Variants in STN1 observed in about 807,000 individuals in gnomAD.
STN1 encodes the protein CST complex subunit STN1.
Under a neutral mutation model 45.5 loss-of-function variants are expected in STN1, and 29 were observed. The observed-to-expected ratio is 0.64, with a 90% CI of 0.47 to 0.87. The LOEUF (loss-of-function observed/expected upper bound fraction) is 0.87, where lower values mean the gene tolerates loss of function less well. Ranked by LOEUF, STN1 falls within the 40% of genes least tolerant of loss-of-function variation. The pLI is 0.00. For synonymous variants in STN1, 148 were observed against 159.0 expected (o/e 0.93, Z 0.52); for missense variants, 376 against 441.4 (o/e 0.85, Z 1.33).
chr10:103,909,864 T>C (rs12765878), intron 3 of STN1, among the ~76,000 whole-genome samples: 67,643 of 151,986 alleles, frequency 0.45, 15,752 homozygotes, highest in Non-Finnish European at 0.5. Flanking sequence ...GGGCTCTTGA[T>C]TATAGAGAAG....
chr10:103,914,374 A>ATTTT (rs1264013304), intron 2 of STN1, among the ~76,000 whole-genome samples: 32 of 97,354 alleles, frequency 3.3e-4, no homozygotes, highest in African/African-American at 1.4e-3. Context: ...ATATATATAT[A>ATTTT]TTTTTTTTTT....
chr10:103,886,374 C>T (rs959646601), intron 9 of STN1, among the ~76,000 whole-genome samples: 9 of 150,506 alleles, frequency 6.0e-5, no homozygotes, highest in African/African-American at 1.7e-4. Context: ...AAGGGTATAT[C>T]GGTGTTTATT....
intron 2 of STN1, among the ~76,000 whole-genome samples, chr10:103,916,185 CA>C (rs1843330287): frequency 1.3e-5 from 2 of 152,192 alleles, no homozygotes; most frequent in South Asian, 4.1e-4. Context: ...AATCAAAGAT[CA>C]CTGGTCCTGT....
At chr10:103,886,194 A>G (rs1207759013) in intron 9 of STN1, among the ~76,000 whole-genome samples, 5 of 152,212 alleles carry the variant, frequency 3.3e-5, no homozygotes, top group Non-Finnish European at 7.3e-5. Context: ...AGCTAAATAC[A>G]TGGGAGATTT....
intron 7 of STN1, among the ~76,000 whole-genome samples, chr10:103,893,324 A>G (rs1358206316): frequency 2.6e-5 from 4 of 152,002 alleles, no homozygotes; most frequent in Non-Finnish European, 5.9e-5. Flanking sequence ...GCCTGCCACC[A>G]TGCCCAGCTA....
chr10:103,914,898 T>C (rs1843319204), intron 2 of STN1, among the ~76,000 whole-genome samples: 2 of 152,198 alleles, frequency 1.3e-5, no homozygotes, highest in African/African-American at 2.4e-5. Context: ...ATTTGAGTCA[T>C]GAGTCCCAAG....
At chr10:103,907,567 T>C (rs182071476) in intron 3 of STN1, among the ~76,000 whole-genome samples, 1 of 152,316 alleles carries the variant, frequency 6.6e-6, no homozygotes, top group Admixed American at 6.5e-5. Context: ...ATTTCTTTGA[T>C]ACTGGGAACA....
In STN1 at chr10:103,892,190, T is replaced by C. The variant is rs776930204; in HGVS notation, c.816A>G (p.Gln272=). 2 of 1,612,228 alleles carry C rather than the reference T, an allele frequency of 1.2e-6. No individual in the cohort carries two copies. Among genetic ancestry groups the C allele is most frequent in the South Asian group, 1.1e-5 (1 of 90,788 alleles). The change falls in exon 8 of 10, where the codon CAA becomes CAG. Residue 272 remains glutamine, a synonymous_variant. Coordinates refer to ENST00000224950, the MANE Select transcript of STN1 (RefSeq NM_024928.5). ...AAACAAGTCCTTTTTCCTGCAGCAG[T>C]TGTATAGCATTCTTAAATATACTAT... ...AIHSIFKNAI[Q]LLQEKGLVFQ...
At chr10:103,882,975 C>T (rs1843080284) in intron 9 of STN1, 134 bp from the exon 10 acceptor site, 4 of 829,490 alleles carry the variant, frequency 4.8e-6, no homozygotes, top group Middle Eastern at 7.1e-4. Context: ...GTCAGAAATG[C>T]ATGATCTACC....
chr10:103,886,084 TA>T (rs530787338), intron 9 of STN1, among the ~76,000 whole-genome samples: 15 of 150,014 alleles, frequency 1.0e-4, no homozygotes, highest in Middle Eastern at 3.4e-3. Flanking sequence ...GTCTTAAGTT[TA>T]AAAAAAAAAT....
rs142533313 is a variant in STN1, at chr10:103,881,865, T to C, written c.*819A>G. ...TGTCTGGGCACATACCGAGTCTTTG[T>C]CTGGATGGTGTCAGCACATCCTGCA... On this transcript the variant is annotated 3_prime_UTR_variant, in exon 10 of 10. Transcript: ENST00000224950. Among the ~76,000 whole-genome samples, 557 of 152,286 alleles carry C rather than the reference T, an allele frequency of 3.7e-3. 4 individuals are homozygous for C. The highest frequency in any genetic ancestry group is 0.012 in the African/African-American group (494 of 41,566).
In STN1 at chr10:103,881,238, T is replaced by C. The variant is rs1272440588; in HGVS notation, c.*1446A>G. On this transcript the variant is annotated 3_prime_UTR_variant, in exon 10 of 10. Transcript: ENST00000224950. ...TTTCACACTTGTGTAGCCATCTCCT[T>C]GAGATAAACCCCTAAGAGCAGAGTT... Among the ~76,000 whole-genome samples the C allele has an allele frequency of 6.6e-6, 1 of 152,222 alleles. No individual in the cohort carries two copies. Among genetic ancestry groups the C allele is most frequent in the Non-Finnish European group, 1.5e-5 (1 of 68,032 alleles).
chr10:103,907,689 T>A (rs1843250716), intron 3 of STN1, among the ~76,000 whole-genome samples: 1 of 152,178 alleles, frequency 6.6e-6, no homozygotes, highest in African/African-American at 2.4e-5. Flanking sequence ...GTTTGAAATT[T>A]TATTTTATAA....
chr10:103,913,805 C>T (rs1843306750), intron 2 of STN1, among the ~76,000 whole-genome samples: 1 of 152,094 alleles, frequency 6.6e-6, no homozygotes, highest in African/African-American at 2.4e-5. Flanking sequence ...GATAACAGAG[C>T]TCATGTTCCA....
chr10:103,907,135 T>A (rs1480206553), intron 3 of STN1, among the ~76,000 whole-genome samples: 1 of 152,178 alleles, frequency 6.6e-6, no homozygotes, highest in Non-Finnish European at 1.5e-5. Flanking sequence ...AAAAAAGTTG[T>A]TTTTAAATGT....
chr10:103,909,365 A>AAT (rs1554837200), intron 3 of STN1, among the ~76,000 whole-genome samples: 4 of 73,876 alleles, frequency 5.4e-5, no homozygotes, highest in African/African-American at 9.5e-5. Flanking sequence ...AAAAAAAAAA[A>AAT]ATATATATAT....
intron 9 of STN1, among the ~76,000 whole-genome samples, chr10:103,883,200 T>C (rs1024052524): frequency 1.4e-4 from 22 of 152,224 alleles, no homozygotes; most frequent in African/African-American, 5.3e-4. Context: ...GCCAAACCTC[T>C]AGTTTCTCAG....
intron 7 of STN1, among the ~76,000 whole-genome samples, chr10:103,896,449 G>T (rs1438679241): frequency 1.3e-5 from 2 of 152,078 alleles, no homozygotes; most frequent in Admixed American, 1.3e-4. Context: ...GTGGGATAAA[G>T]AAAGTAAATA....
Position 103,900,186 on chromosome 10 carries a change from T to A in STN1, c.333A>T (p.Ser111=), listed in dbSNP as rs2134366774. 1 of 1,614,178 alleles carries A rather than the reference T, an allele frequency of 6.2e-7. No individual in the cohort carries two copies. The highest frequency in any genetic ancestry group is 8.5e-7 in the Non-Finnish European group (1 of 1,180,028). Residue 111 remains serine (S), a synonymous_variant, in exon 5 of 10, where the codon TCA becomes TCT. Transcript: ENST00000224950. ...TGGTCTCTTGTAGCTTCTTAAGTTG[T>A]GAGGTTAAGCTGAGCTCTCTTGCTG... ...PSAARELSLT[S]QLKKLQETIE...
Sources: gnomAD v4.1 joint callset for allele counts (sites outside exome capture counted in the v4.1 genomes callset) on GRCh38, gnomAD v4.1.1 for gene constraint, MANE v1.5 for transcripts, NCBI Gene and HGNC (gene_info 2026-07-23, HGNC 2026-07-21) for gene names.